RBMS3: variants seen among roughly 807,000 people sequenced by gnomAD.
RBMS3 encodes RNA binding motif single stranded interacting protein 3.
RBMS3 carries 27 observed loss-of-function variants against 66.8 expected under a neutral mutation model. That is an observed-to-expected ratio of 0.40 (90% CI 0.30 to 0.56). The LOEUF (loss-of-function observed/expected upper bound fraction) is 0.56, where lower values mean the gene tolerates loss of function less well. Ranked by LOEUF, RBMS3 falls within the 20% of genes least tolerant of loss-of-function variation. The probability of loss-of-function intolerance (pLI) is 0.40; values close to 1 mark genes in which losing one functional copy is unlikely to be tolerated. For synonymous variants in RBMS3, 188 were observed against 183.0 expected, an observed-to-expected ratio of 1.03 and a Z score of -0.22; for missense variants, 513 against 549.5, an observed-to-expected ratio of 0.93 and a Z score of 0.66.
intron 6 of RBMS3, among the ~76,000 whole-genome samples, chr3:29,786,166 A>G (rs2056810960): frequency 6.6e-6 from 1 of 152,034 alleles, no homozygotes; most frequent in Non-Finnish European, 1.5e-5. Context: ...AAGCTACAAA[A>G]CACTGCTGAA....
chr3:29,555,835 A>C (rs2046340208), intron 3 of RBMS3, among the ~76,000 whole-genome samples: 1 of 152,052 alleles, frequency 6.6e-6, no homozygotes. Flanking sequence ...CATAATCATG[A>C]ATCAACCAAT....
At chr3:29,443,775 A>T (rs73828652) in intron 2 of RBMS3, among the ~76,000 whole-genome samples, 3,661 of 152,168 alleles carry the variant, frequency 0.024, 146 homozygotes, top group African/African-American at 0.084. Context: ...ATGGTAGAGG[A>T]GGTTAAGTGG....
rs57995580 is a variant in RBMS3, at chr3:29,450,936, C to CCA, written c.248+16032_248+16033dup. 4.3e-5 allele frequency among the ~76,000 whole-genome samples: 6 copies of CCA among 139,858 alleles called. No individual in the cohort carries two copies. In the East Asian group the frequency reaches 1.2e-3, roughly 28 times the overall value. The allele number at this position is 139,858 out of a possible 152,430, so 91.8% of individuals were successfully genotyped here. A position where few individuals can be genotyped will look rare whatever the true frequency, so the allele number is the denominator to read the frequency against. Reference sequence around the variant, plus strand: ...ACACACACACACACACACACACCCCCCACACACACACATGGTGTCTATATG... The same window carrying CCA: ...ACACACACACACACACACACACCCCCCACACACACACACATGGTGTCTATATG... On this transcript the variant is annotated intron_variant, in intron 2 of 14. Coordinates refer to ENST00000383767, the MANE Select transcript of RBMS3 (RefSeq NM_001003793.3).
chr3:29,344,489 C>T (rs6549929), intron 1 of RBMS3, among the ~76,000 whole-genome samples: 28,425 of 152,118 alleles, frequency 0.19, 2,853 homozygotes, highest in African/African-American at 0.24. Context: ...CTTTTGGGAA[C>T]TGCTGGTAGA....
At chr3:29,682,828 G>A (rs1471289521) in intron 4 of RBMS3, among the ~76,000 whole-genome samples, 1 of 152,208 alleles carries the variant, frequency 6.6e-6, no homozygotes, top group Non-Finnish European at 1.5e-5. Flanking sequence ...GAGAGAGAGA[G>A]AAGGAGATAG....
intron 6 of RBMS3, among the ~76,000 whole-genome samples, chr3:29,852,721 T>C (rs1475574220): frequency 1.3e-5 from 2 of 152,168 alleles, no homozygotes; most frequent in African/African-American, 4.8e-5. Flanking sequence ...GGAGTGTAAG[T>C]TAGTTCAACT....
At chr3:29,880,102 C>A (rs1362685755) in intron 7 of RBMS3, among the ~76,000 whole-genome samples, 2 of 152,000 alleles carry the variant, frequency 1.3e-5, no homozygotes, top group Admixed American at 1.3e-4. Flanking sequence ...TCCAATATAC[C>A]ATTGAAAATC....
intron 1 of RBMS3, among the ~76,000 whole-genome samples, chr3:29,396,244 A>G (rs565506159): frequency 2.0e-5 from 3 of 152,356 alleles, no homozygotes; most frequent in African/African-American, 7.2e-5. Context: ...ACATTAGATA[A>G]ATTCAAAATA....
rs112262278 is a variant in RBMS3, at chr3:29,417,804, T to A, written c.76-16939T>A. On this transcript the variant is annotated intron_variant, in intron 1 of 14. Transcript: ENST00000383767. ...AAAAGTATTTTCAGAAGTGACACAATCCGGTGAAATAAAGTATATAATCAG... is the reference window on the plus strand; with the variant it reads ...AAAAGTATTTTCAGAAGTGACACAAACCGGTGAAATAAAGTATATAATCAG... 6.3e-4 allele frequency among the ~76,000 whole-genome samples: 96 copies of A among 151,912 alleles called. 2 individuals are homozygous for A. Among genetic ancestry groups the A allele is most frequent in the African/African-American group, 2.2e-3 (93 of 41,474 alleles).
At chr3:29,492,221 C>G (rs1028452083) in intron 3 of RBMS3, among the ~76,000 whole-genome samples, 2 of 152,104 alleles carry the variant, frequency 1.3e-5, no homozygotes, top group Non-Finnish European at 2.9e-5. Flanking sequence ...CAAAAATATA[C>G]TACTATCCCT....
chr3:29,696,792 G>A (rs1202340714), intron 4 of RBMS3, among the ~76,000 whole-genome samples: 3 of 152,120 alleles, frequency 2.0e-5, no homozygotes, highest in Admixed American at 6.5e-5. Context: ...ACCACTGTGG[G>A]TGACTGCAGG....
rs1699833371 is a variant in RBMS3, at chr3:30,007,476, GAGAAAC to G, written c.*3616_*3621del. On this transcript the variant is annotated 3_prime_UTR_variant, in exon 15 of 15. Coordinates refer to ENST00000383767, the MANE Select transcript of RBMS3 (RefSeq NM_001003793.3). Reference sequence around the variant, plus strand: ...CAAACTAAAGCCACAATCCAAATGAGAGAAACACTGTCTCGTCTAAACTCTAGTTTC... The same window carrying G: ...CAAACTAAAGCCACAATCCAAATGAGACTGTCTCGTCTAAACTCTAGTTTC... The G allele has an allele frequency of 6.6e-6, 1 of 152,038 alleles. No homozygotes were observed. The highest frequency in any genetic ancestry group is 2.1e-4 in the South Asian group (1 of 4,824). The allele number at this position is 152,038 out of a possible 1,614,324, so 9.4% of individuals were successfully genotyped here.
chr3:29,936,177 C>T lies in RBMS3; in HGVS notation c.1031C>T (p.Ser344Leu), dbSNP rs772400250. Residue 344 changes from serine (S) to leucine (L), a missense_variant, in exon 11 of 15, where the codon TCG becomes TTG. Physicochemically the swap from Ser to Leu is moderately radical, Grantham distance 145. Transcript: ENST00000383767. Reference sequence around the variant, plus strand: ...CTGACACAGCAGATGAATCACCTTTCGTTGGGCACAACAGGAACGGTGAGT... The same window carrying T: ...CTGACACAGCAGATGAATCACCTTTTGTTGGGCACAACAGGAACGGTGAGT... ...GPLTQQMNHL[S>L]LGTTGTIQSQ... 16 of 1,612,976 alleles carry T rather than the reference C, an allele frequency of 9.9e-6. No individual in the cohort carries two copies. Among genetic ancestry groups the T allele is most frequent in the East Asian group, 2.2e-5 (1 of 44,840 alleles).
At chr3:29,639,630 C>G (rs1440484011) in intron 4 of RBMS3, among the ~76,000 whole-genome samples, 1 of 131,250 alleles carries the variant, frequency 7.6e-6, no homozygotes, top group African/African-American at 3.0e-5. Context: ...AGAGAATGAT[C>G]AGAATGCAGC....
intron 7 of RBMS3, among the ~76,000 whole-genome samples, chr3:29,883,486 A>C (rs546709208): frequency 3.3e-5 from 5 of 152,074 alleles, no homozygotes; most frequent in Non-Finnish European, 7.4e-5. Flanking sequence ...CATGAAGTTT[A>C]TATTCTTTTC....
At chr3:29,813,910 A>G (rs1330784252) in intron 6 of RBMS3, among the ~76,000 whole-genome samples, 1 of 152,146 alleles carries the variant, frequency 6.6e-6, no homozygotes, top group Non-Finnish European at 1.5e-5. Context: ...TAGATATACA[A>G]TCATGTCGTC....
At chr3:29,513,138 G>C (rs780773940) in intron 3 of RBMS3, among the ~76,000 whole-genome samples, 1 of 152,092 alleles carries the variant, frequency 6.6e-6, no homozygotes. Flanking sequence ...CACTGGTGGC[G>C]GATTTTTATG....
intron 7 of RBMS3, among the ~76,000 whole-genome samples, 175 bp downstream of exon 7, chr3:29,869,139 G>T (rs1193570800): frequency 1.3e-5 from 2 of 152,130 alleles, no homozygotes; most frequent in Non-Finnish European, 2.9e-5. Context: ...TTATTGAGGA[G>T]TAGAGGATTT....
rs542446605 is a variant in RBMS3, at chr3:29,623,194, A to G, written c.399+35989A>G. ...CTTGGGGGGGGGGGTCTAAATTATT[A>G]TTAATAGCGTATTTTAATCTATTTA... On this transcript the variant is annotated intron_variant, in intron 4 of 14. Coordinates refer to ENST00000383767, the MANE Select transcript of RBMS3 (RefSeq NM_001003793.3). 2.7e-3 allele frequency among the ~76,000 whole-genome samples: 404 copies of G among 149,250 alleles called. 2 individuals carry two copies. The highest frequency in any genetic ancestry group is 4.2e-3 in the Non-Finnish European group (287 of 67,544).
Sources: allele counts gnomAD v4.1 joint callset (sites outside exome capture counted in the v4.1 genomes callset), GRCh38; gene constraint gnomAD v4.1.1; transcripts MANE v1.5; gene names NCBI Gene and HGNC (gene_info 2026-07-23, HGNC 2026-07-21).